Variants in MLKL observed in about 807,000 individuals in gnomAD.
The protein encoded by MLKL is mixed lineage kinase domain-like protein.
MLKL carries 55 observed loss-of-function variants against 56.5 expected under a neutral mutation model. The ratio of observed to expected loss-of-function variants is 0.97; its 90% CI spans 0.78 to 1.22. The LOEUF (loss-of-function observed/expected upper bound fraction) is 1.22, where lower values mean the gene tolerates loss of function less well. Ranked by LOEUF, MLKL falls within the 50% of genes most tolerant of loss-of-function variation. The pLI, the probability that MLKL is intolerant of heterozygous loss-of-function variation, is 0.00. For synonymous variants in MLKL, 251 were observed against 208.3 expected, an observed-to-expected ratio of 1.20 and a Z score of -1.76; for missense variants, 694 against 573.9, an observed-to-expected ratio of 1.21 and a Z score of -2.14.
intron 3 of MLKL, 36 bp from the exon 4 acceptor site, chr16:74,691,499 G>C (rs1160527067): frequency 1.9e-6 from 3 of 1,592,596 alleles, no homozygotes; most frequent in Non-Finnish European, 2.6e-6. Flanking sequence ...AGACAAAAGA[G>C]TCAATGAGCA....
chr16:74,692,412 A>G lies in MLKL; in HGVS notation c.465T>C (p.Asn155=). The G allele has an allele frequency of 6.2e-7, 1 of 1,612,358 alleles. No individual in the cohort carries two copies. Among genetic ancestry groups the G allele is most frequent in the Non-Finnish European group, 8.5e-7 (1 of 1,179,462 alleles). ...GTCTCAGTGAAGCTTCTATTTTTTC[A>G]TTATCTGCAGGAAAAAAGGGCAGTA... is the stretch of plus-strand genomic sequence containing the variant. ...RRAFQMLRRD[N]EKIEASLRRL... The change falls in exon 3 of 11, where the codon AAT becomes AAC. Residue 155 remains asparagine (N), a synonymous_variant. Coordinates refer to ENST00000308807, the MANE Select transcript of MLKL (RefSeq NM_152649.4).
Position 74,695,381 on chromosome 16 carries a change from G to C in MLKL, c.377C>G (p.Pro126Arg), listed in dbSNP as rs1488508681. ...LQVEQRMPVSPISQGASWAQE... is the reference protein window; with the variant it reads ...LQVEQRMPVSRISQGASWAQE... ...TGCCCAGGACGCTCCTTGGCTTATG[G>C]GTGAAACAGGCATGCGTTGCTCAAC... Residue 126 changes from proline to arginine, a missense_variant, in exon 2 of 11, where the codon CCC (proline) becomes CGC (arginine). Physicochemically the swap from Pro to Arg is moderately radical, Grantham distance 103. Transcript: ENST00000308807. 1 of 1,614,180 alleles carries C rather than the reference G, an allele frequency of 6.2e-7. No homozygotes were observed. Among genetic ancestry groups the C allele is most frequent in the East Asian group, 2.2e-5 (1 of 44,876 alleles).
At position 74,678,940 on chromosome 16, in the gene MLKL, T is replaced by C; in HGVS notation, c.997A>G (p.Arg333Gly). Residue 333 changes from arginine (R) to glycine (G), a missense_variant, in exon 7 of 11, where the codon AGA (arginine) becomes GGA (glycine). Arg to Gly is a moderately radical substitution (Grantham distance 125, BLOSUM62 -2). Coordinates refer to ENST00000308807, the MANE Select transcript of MLKL (RefSeq NM_152649.4). Reference protein sequence around the residue: ...SEAPELHGKIRSSNFLVTQGY... With the variant: ...SEAPELHGKIGSSNFLVTQGY... ...TGAGTTACCAGGAAGTTTGAGCTTC[T>C]GATTTTTCCGTGGAGTTCAGGTGCT... is the stretch of plus-strand genomic sequence containing the variant. 1 of 1,614,168 alleles carries C rather than the reference T, an allele frequency of 6.2e-7. No homozygotes were observed. The highest frequency in any genetic ancestry group is 2.2e-5 in the East Asian group (1 of 44,874).
intron 1 of MLKL, among the ~76,000 whole-genome samples, chr16:74,699,830 A>C (rs2144580618): frequency 6.6e-6 from 1 of 152,186 alleles, no homozygotes; most frequent in Non-Finnish European, 1.5e-5. Context: ...AGTCCTAGCT[A>C]CTTGGGAGGA....
intron 4 of MLKL, among the ~76,000 whole-genome samples, chr16:74,690,120 C>T (rs774898815): frequency 1.3e-5 from 2 of 152,076 alleles, no homozygotes; most frequent in Non-Finnish European, 2.9e-5. Flanking sequence ...TATGAACAGG[C>T]AATTTATGGA....
At chr16:74,694,132 C>T (rs116371746) in intron 2 of MLKL, among the ~76,000 whole-genome samples, 49 of 152,202 alleles carry the variant, frequency 3.2e-4, no homozygotes, top group African/African-American at 1.2e-3. Flanking sequence ...GAACAATGTG[C>T]TTGGCATGAT....
At chr16:74,683,942 TA>T (rs1177595748) in intron 5 of MLKL, among the ~76,000 whole-genome samples, 1 of 152,082 alleles carries the variant, frequency 6.6e-6, no homozygotes, top group African/African-American at 2.4e-5. Context: ...CATTTGTCTT[TA>T]TTTTTTATTT....
intron 6 of MLKL, among the ~76,000 whole-genome samples, chr16:74,681,673 A>T (rs1234585203): frequency 1.3e-5 from 2 of 151,980 alleles, no homozygotes; most frequent in Non-Finnish European, 2.9e-5. Context: ...AGGCACCTGT[A>T]GTCCCAGCTA....
chr16:74,676,324 G>C (rs894272531), intron 7 of MLKL: 13 of 985,832 alleles, frequency 1.3e-5, no homozygotes, highest in Non-Finnish European at 1.4e-5. Context: ...AGAAACTGTA[G>C]CACAATCATG....
At chr16:74,674,213 G>A (rs993042293) in intron 10 of MLKL, among the ~76,000 whole-genome samples, 2 of 149,814 alleles carry the variant, frequency 1.3e-5, no homozygotes, top group African/African-American at 4.9e-5. Context: ...GGAGCGCAGT[G>A]GCGTGATCCT....
At chr16:74,697,814 C>T (rs1190230994) in intron 1 of MLKL, among the ~76,000 whole-genome samples, 4 of 151,798 alleles carry the variant, frequency 2.6e-5, no homozygotes, top group African/African-American at 9.7e-5. Flanking sequence ...GAGACCCTGT[C>T]TCGAAAAAAC....
At chr16:74,698,949 C>A (rs944990717) in intron 1 of MLKL, among the ~76,000 whole-genome samples, 3 of 151,924 alleles carry the variant, frequency 2.0e-5, no homozygotes, top group Non-Finnish European at 4.4e-5. Flanking sequence ...CCCATCTCTA[C>A]TAAAAATACT....
Position 74,691,330 on chromosome 16 carries a change from G to A in MLKL, c.669C>T (p.His223=). ...EVSTLYKGEY[H]RAPVAIKVFK... ...ATACTTTTATGGCCACTGGAGCTCT[G>A]TGGTATTCTCCTTTATAAAGTGTGC... The change falls in exon 4 of 11, where the codon CAC becomes CAT. Residue 223 remains histidine, a synonymous_variant. Coordinates refer to ENST00000308807, the MANE Select transcript of MLKL (RefSeq NM_152649.4). 6.2e-7 allele frequency: 1 copy of A among 1,613,824 alleles called. No homozygotes were observed. The highest frequency in any genetic ancestry group is 8.5e-7 in the Non-Finnish European group (1 of 1,179,936).
intron 4 of MLKL, among the ~76,000 whole-genome samples, chr16:74,687,234 C>T (rs1878273512): frequency 6.6e-6 from 1 of 152,126 alleles, no homozygotes; most frequent in African/African-American, 2.4e-5. Context: ...CCTCAGCCTC[C>T]CAAAGTGCTG....
Position 74,685,497 on chromosome 16 carries a change from AT to A in MLKL, c.808del (p.Ile270LeufsTer5), listed in dbSNP as rs1303778053. 3.1e-6 allele frequency: 5 copies of A among 1,613,730 alleles called. No homozygotes were observed. The African/African-American group carries it at 6.7e-5, about 22-fold the overall frequency. On this transcript the variant is annotated frameshift_variant, in exon 5 of 11. Coordinates refer to ENST00000308807, the MANE Select transcript of MLKL (RefSeq NM_152649.4). LOFTEE classifies it high-confidence loss of function. ...GAAGCATTCCTTACCTGTTTCATCA[AT>A]GCAAATCCCAAATATACGCAGGATG... ...PNILRIFGIC[I>X]DETVTPPQFS...
intron 4 of MLKL, among the ~76,000 whole-genome samples, chr16:74,686,147 A>G (rs1249493362): frequency 7.2e-5 from 11 of 151,948 alleles, no homozygotes; most frequent in Admixed American, 7.2e-4. Context: ...TTTTTTGCAG[A>G]GACATGATTT....
At chr16:74,696,419 GT>G (rs747762259) in intron 1 of MLKL, among the ~76,000 whole-genome samples, 18 of 151,048 alleles carry the variant, frequency 1.2e-4, no homozygotes, top group Admixed American at 8.6e-4. Flanking sequence ...GTTTCTTTCT[GT>G]TTTTTTTTAA....
At chr16:74,698,567 T>C (rs958204008) in intron 1 of MLKL, among the ~76,000 whole-genome samples, 1 of 152,200 alleles carries the variant, frequency 6.6e-6, no homozygotes, top group African/African-American at 2.4e-5. Context: ...AGGCCATTTC[T>C]TGGGAATTGT....
chr16:74,676,077 C>A (rs1597480206), intron 7 of MLKL: 2 of 333,268 alleles, frequency 6.0e-6, no homozygotes, highest in Non-Finnish European at 1.0e-5. Flanking sequence ...GCCAGTATGA[C>A]TATGTTAAAA....
Sources: gnomAD v4.1 joint callset for allele counts (sites outside exome capture counted in the v4.1 genomes callset) on GRCh38, gnomAD v4.1.1 for gene constraint, MANE v1.5 for transcripts, NCBI Gene and HGNC (gene_info 2026-07-23, HGNC 2026-07-21) for gene names.